RAPGEF4: variants seen among roughly 807,000 people sequenced by gnomAD.
RAPGEF4 encodes Rap guanine nucleotide exchange factor 4, also known as RAP guanine-nucleotide-exchange factor (GEF) 4.
A neutral mutation model predicts 147.9 loss-of-function variants in RAPGEF4; 66 were observed. That is an observed-to-expected ratio of 0.45 (90% CI 0.37 to 0.55). The LOEUF (loss-of-function observed/expected upper bound fraction) is 0.55, where lower values mean the gene tolerates loss of function less well. RAPGEF4 is among the 20% of genes least tolerant of loss of function. RAPGEF4 has a pLI of 0.00. For missense variants in RAPGEF4, 1,071 were observed against 1,257.3 expected (o/e 0.85, Z 2.24); for synonymous variants, 419 against 442.7 (o/e 0.95, Z 0.67).
At chr2:172,765,667 C>G (rs143087390) in intron 1 of RAPGEF4, among the ~76,000 whole-genome samples, 1 of 152,172 alleles carries the variant, frequency 6.6e-6, no homozygotes, top group Non-Finnish European at 1.5e-5. Context: ...CCATGGCCAA[C>G]GATTTCCTCA....
chr2:172,946,207 A>G (rs997556134), intron 6 of RAPGEF4, among the ~76,000 whole-genome samples: 1 of 152,214 alleles, frequency 6.6e-6, no homozygotes, highest in Non-Finnish European at 1.5e-5. Context: ...ACAAAATTTT[A>G]TATAAAGTAT....
intron 6 of RAPGEF4, among the ~76,000 whole-genome samples, chr2:172,947,740 G>A (rs935802631): frequency 6.6e-6 from 1 of 152,018 alleles, no homozygotes; most frequent in Admixed American, 6.6e-5. Flanking sequence ...GAGAGGGTTG[G>A]TAAGTACTTT....
rs376504672 is a variant in RAPGEF4 at position 173,017,513 on chromosome 2, C to A, written c.2008+9C>A. On this transcript the variant is annotated intron_variant, in intron 21 of 30. Transcript: ENST00000397081. ...CCGCGGCTCTGATGAAGGTGAGAAC[C>A]CTCTTCCAACTAACTCGTAGTTGTA... The A allele has an allele frequency of 1.5e-5, 24 of 1,605,626 alleles. No homozygotes were observed. In the East Asian group the frequency reaches 4.9e-4, roughly 33 times the overall value.
intron 4 of RAPGEF4, among the ~76,000 whole-genome samples, chr2:172,900,224 A>T (rs941673398): frequency 3.3e-5 from 5 of 152,170 alleles, no homozygotes; most frequent in African/African-American, 9.7e-5. Context: ...TTTTTGGATA[A>T]TTTTTAGGTT....
chr2:172,984,430 C>CA (rs1057074828), intron 11 of RAPGEF4, among the ~76,000 whole-genome samples: 6 of 152,136 alleles, frequency 3.9e-5, no homozygotes, highest in African/African-American at 1.4e-4. Context: ...AGGCATTTGC[C>CA]ATAGCTCCAA....
intron 4 of RAPGEF4, among the ~76,000 whole-genome samples, chr2:172,888,284 A>G (rs1361576073): frequency 1.3e-5 from 2 of 152,236 alleles, no homozygotes; most frequent in Non-Finnish European, 1.5e-5. Context: ...AGATGGGGAA[A>G]AAATCCGAGG....
At chr2:172,897,098 G>A (rs1305323459) in intron 4 of RAPGEF4, among the ~76,000 whole-genome samples, 1 of 152,116 alleles carries the variant, frequency 6.6e-6, no homozygotes, top group Non-Finnish European at 1.5e-5. Flanking sequence ...ACAACCAGGA[G>A]AATACATGGG....
intron 4 of RAPGEF4, among the ~76,000 whole-genome samples, chr2:172,834,521 G>T (rs896586543): frequency 1.3e-5 from 2 of 152,146 alleles, no homozygotes; most frequent in South Asian, 4.1e-4. Flanking sequence ...CTACTTTTCT[G>T]CATGCTCTGA....
intron 17 of RAPGEF4, among the ~76,000 whole-genome samples, chr2:173,004,713 AG>A (rs1434434841): frequency 6.6e-6 from 1 of 152,094 alleles, no homozygotes; most frequent in African/African-American, 2.4e-5. Context: ...CAAAAGGAGA[AG>A]AGAGCAAAGT....
intron 4 of RAPGEF4, among the ~76,000 whole-genome samples, chr2:172,823,246 T>C (rs2258087): frequency 0.99 from 151,416 of 152,314 alleles, 75,265 homozygotes; most frequent in Middle Eastern, 1. Context: ...GCAGCCTTGT[T>C]CCGAGGGACT....
intron 30 of RAPGEF4, among the ~76,000 whole-genome samples, chr2:173,051,163 G>C (rs1686188327): frequency 6.6e-6 from 1 of 152,194 alleles, no homozygotes; most frequent in Non-Finnish European, 1.5e-5. Context: ...CAAGTAAAGA[G>C]GGGAGTCAGG....
At chr2:172,980,787 A>G (rs1691596111) in intron 10 of RAPGEF4, among the ~76,000 whole-genome samples, 1 of 152,136 alleles carries the variant, frequency 6.6e-6, no homozygotes, top group South Asian at 2.1e-4. Context: ...TATTATTAAT[A>G]TGTTGAGATT....
chr2:172,860,424 T>C, intron 4 of RAPGEF4: 1 of 612,866 alleles, frequency 1.6e-6, no homozygotes, highest in Non-Finnish European at 2.0e-6. Context: ...AGACTTCATT[T>C]TGTGTAAATG....
At chr2:172,874,515 T>A (rs1695648818) in intron 4 of RAPGEF4, among the ~76,000 whole-genome samples, 2 of 152,194 alleles carry the variant, frequency 1.3e-5, no homozygotes, top group South Asian at 4.1e-4. Context: ...TTTTTGTCCT[T>A]GCGACAGTTT....
chr2:172,792,172 C>T (rs551029319), intron 1 of RAPGEF4, among the ~76,000 whole-genome samples: 2 of 152,354 alleles, frequency 1.3e-5, no homozygotes, highest in Admixed American at 6.5e-5. Flanking sequence ...GTGTGCTTTA[C>T]TGTCTGGGAT....
At chr2:172,886,214 T>C (rs528707260) in intron 4 of RAPGEF4, among the ~76,000 whole-genome samples, 2 of 152,356 alleles carry the variant, frequency 1.3e-5, no homozygotes, top group South Asian at 4.1e-4. Flanking sequence ...AACATCTCTT[T>C]CTCTAGACCA....
At chr2:173,026,426 C>A (rs1696670024) in intron 23 of RAPGEF4, 146 bp from the exon 24 acceptor site, 2 of 788,670 alleles carry the variant, frequency 2.5e-6, no homozygotes, top group Non-Finnish European at 3.8e-6. Flanking sequence ...GCGTTGCGAG[C>A]AGAGGCATCT....
intron 1 of RAPGEF4, among the ~76,000 whole-genome samples, chr2:172,781,774 A>G (rs1327987272): frequency 6.6e-6 from 1 of 152,254 alleles, no homozygotes; most frequent in Admixed American, 6.5e-5. Flanking sequence ...AACACCTAAT[A>G]TATAACCTAC....
intron 22 of RAPGEF4, among the ~76,000 whole-genome samples, chr2:173,019,728 C>T (rs573843762): frequency 1.3e-5 from 2 of 152,310 alleles, no homozygotes; most frequent in South Asian, 2.1e-4. Context: ...CCCTCCCTGA[C>T]CCCTTGTCAC....
Sources: allele counts gnomAD v4.1 joint callset (sites outside exome capture counted in the v4.1 genomes callset), GRCh38; gene constraint gnomAD v4.1.1; transcripts MANE v1.5; gene names NCBI Gene and HGNC (gene_info 2026-07-23, HGNC 2026-07-21).